Variants in LAMC3 observed in about 807,000 individuals in gnomAD.
The protein encoded by LAMC3 is laminin subunit gamma-3.
Under a neutral mutation model 173.8 loss-of-function variants are expected in LAMC3, and 128 were observed. The ratio of observed to expected loss-of-function variants is 0.74; its 90% CI spans 0.64 to 0.85. LAMC3 has a LOEUF of 0.85. Among genes scored for constraint, LAMC3 ranks in the 40% least tolerant of loss-of-function variants. The pLI is 0.00. For missense variants in LAMC3, 2,022 were observed against 2,156.0 expected (o/e 0.94, Z 1.23); for synonymous variants, 897 against 909.1 (o/e 0.99, Z 0.24).
intron 13 of LAMC3, among the ~76,000 whole-genome samples, chr9:131,065,904 G>T (rs75793077): frequency 6.7e-6 from 1 of 149,984 alleles, no homozygotes; most frequent in South Asian, 2.1e-4. Flanking sequence ...TGATGATGAA[G>T]ATGATGGTCA....
intron 23 of LAMC3, among the ~76,000 whole-genome samples, chr9:131,080,065 C>T (rs1003217733): frequency 1.1e-4 from 17 of 152,138 alleles, no homozygotes; most frequent in Non-Finnish European, 2.4e-4. Context: ...CTCCATTTCC[C>T]GGGTTCAAGT....
intron 18 of LAMC3, 42 bp from the exon 19 acceptor site, chr9:131,072,588 T>C (rs1263426584): frequency 6.5e-7 from 1 of 1,550,180 alleles, no homozygotes; most frequent in African/African-American, 1.4e-5. Context: ...TTGTGTGACA[T>C]CTCCACCACT....
At chr9:131,017,184 G>A (rs994651301) in intron 1 of LAMC3, among the ~76,000 whole-genome samples, 3 of 152,154 alleles carry the variant, frequency 2.0e-5, no homozygotes, top group Non-Finnish European at 2.9e-5. Context: ...GGGCTGCTGC[G>A]GGTCACCGGC....
chr9:131,043,349 A>G (rs1834090366), intron 7 of LAMC3, among the ~76,000 whole-genome samples: 1 of 152,138 alleles, frequency 6.6e-6, no homozygotes, highest in East Asian at 1.9e-4. Context: ...TCTGACATTC[A>G]CCAGAGCTGC....
At chr9:131,060,382 A>C (rs1029693637) in intron 12 of LAMC3, among the ~76,000 whole-genome samples, 1 of 152,138 alleles carries the variant, frequency 6.6e-6, no homozygotes, top group African/African-American at 2.4e-5. Flanking sequence ...GGTGGCTCAC[A>C]CCTGTAATCC....
rs141820760 is a variant in LAMC3, at chr9:131,083,255, G to A, written c.4030+1094G>A. ...TACAAGCTTTTACCTTCTCATTGTCGGGTTCTGAGAATGAGAACATTCTTG... is the reference window on the plus strand; with the variant it reads ...TACAAGCTTTTACCTTCTCATTGTCAGGTTCTGAGAATGAGAACATTCTTG... On this transcript the variant is annotated intron_variant, in intron 24 of 27. Transcript: ENST00000361069. Among the ~76,000 whole-genome samples the A allele has an allele frequency of 1.3e-3, 191 of 152,166 alleles. 2 individuals carry two copies. Among genetic ancestry groups the A allele is most frequent in the Middle Eastern group, 3.4e-3 (1 of 294 alleles).
intron 25 of LAMC3, 61 bp downstream of exon 25, chr9:131,085,784 C>T (rs1439294598): frequency 1.4e-5 from 21 of 1,527,376 alleles, no homozygotes; most frequent in East Asian, 6.8e-5. Context: ...CGCCCTTCCG[C>T]GGGCCCCTTC....
At chr9:131,073,944 C>CTTTTTTTTT (rs57877574) in intron 20 of LAMC3, among the ~76,000 whole-genome samples, 46 of 90,694 alleles carry the variant, frequency 5.1e-4, no homozygotes, top group Non-Finnish European at 6.6e-4. Flanking sequence ...CTTTTCTTTT[C>CTTTTTTTTT]TTTTTTTTTT....
rs140154850 is a variant in LAMC3, at chr9:131,063,655, C to A, written c.2347+2432C>A. ...TCCTGCCTGCCATCCTGGCCCCTTGCAGCCCCTCCCAGGACTTCCAGAGCT... is the reference window on the plus strand; with the variant it reads ...TCCTGCCTGCCATCCTGGCCCCTTGAAGCCCCTCCCAGGACTTCCAGAGCT... On this transcript the variant is annotated intron_variant, in intron 13 of 27. Transcript: ENST00000361069. Among the ~76,000 whole-genome samples the A allele has an allele frequency of 1.9e-3, 282 of 152,328 alleles. 1 individual carries two copies. The highest frequency in any genetic ancestry group is 6.6e-3 in the African/African-American group (276 of 41,562).
At chr9:131,067,937 C>T (rs1026033159) in intron 14 of LAMC3, 141 bp from the exon 15 acceptor site, 7 of 922,466 alleles carry the variant, frequency 7.6e-6, no homozygotes, top group Non-Finnish European at 1.0e-5. Flanking sequence ...AGCCTTTTTC[C>T]AGCAGTGGCG....
Position 131,041,699 on chromosome 9 carries a change from C to T in LAMC3, c.1346C>T (p.Pro449Leu). ...TGTGACCCCCGCAGTGGGCGCTGCC[C>T]CTGCAAAGAGAATGTGGAAGGCAAC... ...DTCDPRSGRC[P>L]CKENVEGNLC... The change falls in exon 7 of 28, where the codon CCC (proline) becomes CTC (leucine). Residue 449 changes from proline to leucine, a missense_variant. Coordinates refer to ENST00000361069, the MANE Select transcript of LAMC3 (RefSeq NM_006059.4). 4 of 1,614,034 alleles carry T rather than the reference C, an allele frequency of 2.5e-6. No individual in the cohort carries two copies. The highest frequency in any genetic ancestry group is 3.4e-6 in the Non-Finnish European group (4 of 1,180,030).
chr9:131,077,070 A>G (rs903942357), intron 21 of LAMC3, 117 bp from the exon 22 acceptor site: 12 of 1,384,164 alleles, frequency 8.7e-6, no homozygotes, highest in Admixed American at 1.7e-5. Flanking sequence ...GCAGAGGGCT[A>G]TTCTGCCTGG....
In LAMC3 at chr9:131,067,129, G is replaced by A. The variant is rs140540789; in HGVS notation, c.2517G>A (p.Thr839=). The A allele has an allele frequency of 3.8e-3, 6,069 of 1,614,134 alleles. 8 individuals carry two copies. Among genetic ancestry groups the A allele is most frequent in the Non-Finnish European group, 4.5e-3 (5,320 of 1,180,020 alleles). ...GHCLRCLHNT[T]GDHCEHCQEG... Reference sequence around the variant, plus strand: ...GCCTGCGCTGCCTGCACAACACCACGGGTGACCACTGTGAGCACTGTCAGG... The same window carrying A: ...GCCTGCGCTGCCTGCACAACACCACAGGTGACCACTGTGAGCACTGTCAGG... The change falls in exon 14 of 28, where the codon ACG becomes ACA. Residue 839 remains threonine (T), a synonymous_variant. Transcript: ENST00000361069.
At chr9:131,047,456 C>T (rs993897975) in intron 8 of LAMC3, among the ~76,000 whole-genome samples, 26 of 151,102 alleles carry the variant, frequency 1.7e-4, no homozygotes, top group Non-Finnish European at 5.9e-5. Context: ...TGTGAGCCAC[C>T]GCACCCGGCC....
intron 1 of LAMC3, among the ~76,000 whole-genome samples, chr9:131,024,212 C>A (rs74646016): frequency 1.2e-3 from 187 of 150,542 alleles, no homozygotes; most frequent in African/African-American, 4.3e-3. Flanking sequence ...ATGGCACCAT[C>A]TCAGCTCACT....
intron 25 of LAMC3, 105 bp from the exon 26 acceptor site, chr9:131,087,371 C>A: frequency 7.3e-7 from 1 of 1,378,240 alleles, no homozygotes; most frequent in Non-Finnish European, 1.0e-6. Context: ...GAATGATCTG[C>A]CTGGTACAGA....
chr9:131,040,274 C>T (rs1227363746), intron 6 of LAMC3, among the ~76,000 whole-genome samples: 2 of 151,962 alleles, frequency 1.3e-5, no homozygotes, highest in African/African-American at 4.8e-5. Context: ...GCCTCCCAGA[C>T]TCAAGTGATC....
At chr9:131,061,757 G>A (rs1212970480) in intron 13 of LAMC3, among the ~76,000 whole-genome samples, 5 of 152,068 alleles carry the variant, frequency 3.3e-5, no homozygotes, top group African/African-American at 1.2e-4. Flanking sequence ...CCCATTTAAC[G>A]CATACAATTC....
At chr9:131,055,511 G>A (rs1253542720) in intron 11 of LAMC3, among the ~76,000 whole-genome samples, 2 of 134,362 alleles carry the variant, frequency 1.5e-5, no homozygotes, top group Non-Finnish European at 3.1e-5. Flanking sequence ...TGCAAGCTCC[G>A]CCTCCCGGGT....
Sources: allele counts gnomAD v4.1 joint callset (sites outside exome capture counted in the v4.1 genomes callset), GRCh38; gene constraint gnomAD v4.1.1; transcripts MANE v1.5; gene names NCBI Gene and HGNC (gene_info 2026-07-23, HGNC 2026-07-21).